ENTPD3: variants seen among roughly 807,000 people sequenced by gnomAD.
ENTPD3 encodes the protein ectonucleoside triphosphate diphosphohydrolase 3.
Under a neutral mutation model 51.2 loss-of-function variants are expected in ENTPD3, and 60 were observed. The observed-to-expected ratio is 1.17, with a 90% confidence interval of 0.95 to 1.45. ENTPD3 has a LOEUF of 1.45. Among genes scored for constraint, ENTPD3 ranks in the 40% most tolerant of loss-of-function variants. The pLI is 0.00. For missense variants in ENTPD3, 593 were observed against 641.1 expected (o/e 0.93, Z 0.81); for synonymous variants, 221 against 238.4 (o/e 0.93, Z 0.67).
intron 4 of ENTPD3, among the ~76,000 whole-genome samples, chr3:40,404,013 C>T (rs564324952): frequency 4.5e-4 from 68 of 152,288 alleles, no homozygotes; most frequent in African/African-American, 1.6e-3. Flanking sequence ...CTTGCTCTGA[C>T]CTCAACCAGC....
At chr3:40,395,995 C>A (rs901985598) in intron 3 of ENTPD3, among the ~76,000 whole-genome samples, 1 of 152,144 alleles carries the variant, frequency 6.6e-6, no homozygotes, top group Non-Finnish European at 1.5e-5. Context: ...AGAGAACAGA[C>A]AACAGTGGCC....
chr3:40,409,693 T>C (rs762696936), intron 4 of ENTPD3, among the ~76,000 whole-genome samples: 7 of 152,216 alleles, frequency 4.6e-5, no homozygotes, highest in Non-Finnish European at 1.0e-4. Context: ...CCATATTCTC[T>C]CCATCTTCCT....
intron 6 of ENTPD3, among the ~76,000 whole-genome samples, chr3:40,415,593 C>A (rs9822909): frequency 0.26 from 39,368 of 151,978 alleles, 5,946 homozygotes; most frequent in East Asian, 0.48. Context: ...CTCCAGTTTG[C>A]CACAGACCCA....
Position 40,402,123 on chromosome 3 carries a change from C to CTTTCTT in ENTPD3, c.286+1115_286+1116insCTTTTT, listed in dbSNP as rs1553643065. Among the ~76,000 whole-genome samples the CTTTCTT allele has an allele frequency of 7.7e-3, 731 of 95,080 alleles. 14 individuals are homozygous for CTTTCTT. Among genetic ancestry groups the CTTTCTT allele is most frequent in the African/African-American group, 0.027 (700 of 25,718 alleles). The allele number at this position is 95,080 out of a possible 152,430, so 62.4% of individuals were successfully genotyped here. ...TTCATTTCCTTTCCTTTTTTTTTTT[C>CTTTCTT]TTTTTTTTTTTTTGAGACAGAGTCT... On this transcript the variant is annotated intron_variant, in intron 4 of 10. Transcript: ENST00000301825.
chr3:40,406,990 A>G (rs150756829), intron 4 of ENTPD3, among the ~76,000 whole-genome samples: 132 of 152,268 alleles, frequency 8.7e-4, no homozygotes, highest in African/African-American at 3.0e-3. Flanking sequence ...GGTAGGACCA[A>G]CATGATTTTA....
chr3:40,426,137 C>G (rs1279041899), intron 10 of ENTPD3, among the ~76,000 whole-genome samples: 15 of 118,380 alleles, frequency 1.3e-4, no homozygotes, highest in African/African-American at 4.7e-4. Flanking sequence ...GAGACGGAGT[C>G]TCGCTCTGTC....
intron 10 of ENTPD3, chr3:40,424,748 G>C: frequency 2.8e-6 from 2 of 702,228 alleles, no homozygotes; most frequent in East Asian, 5.4e-5. Context: ...CCAGGTTCCA[G>C]AGAATTTTCT....
At chr3:40,417,792 C>T (rs1392164161) in intron 7 of ENTPD3, among the ~76,000 whole-genome samples, 1 of 152,162 alleles carries the variant, frequency 6.6e-6, no homozygotes, top group Non-Finnish European at 1.5e-5. Flanking sequence ...CCTCTTTTCT[C>T]CAGCTCCTTT....
At position 40,412,697 on chromosome 3, in the gene ENTPD3, C is replaced by T. The variant is rs571292448; in HGVS notation, c.437+735C>T. Among the ~76,000 whole-genome samples, 162 of 152,268 alleles carry T rather than the reference C, an allele frequency of 1.1e-3. 1 individual carries two copies. The highest frequency in any genetic ancestry group is 3.8e-3 in the African/African-American group (156 of 41,544). On this transcript the variant is annotated intron_variant, in intron 5 of 10. Coordinates refer to ENST00000301825, the MANE Select transcript of ENTPD3 (RefSeq NM_001248.4). ...TTCTGCTTCAGAGCCACTTTATCTACGATTCCAAGCACGCAAAATTATCTA... is the reference window on the plus strand; with the variant it reads ...TTCTGCTTCAGAGCCACTTTATCTATGATTCCAAGCACGCAAAATTATCTA...
intron 5 of ENTPD3, among the ~76,000 whole-genome samples, chr3:40,413,173 T>C (rs751084802): frequency 2.0e-4 from 30 of 152,208 alleles, no homozygotes; most frequent in Non-Finnish European, 2.9e-4. Flanking sequence ...CAGGATGTGC[T>C]CATGAAGTTT....
At chr3:40,409,957 C>T (rs1955591154) in intron 4 of ENTPD3, among the ~76,000 whole-genome samples, 1 of 151,976 alleles carries the variant, frequency 6.6e-6, no homozygotes, top group Non-Finnish European at 1.5e-5. Context: ...TATATATTTG[C>T]TTATTTTAAA....
intron 2 of ENTPD3, among the ~76,000 whole-genome samples, chr3:40,390,644 G>A (rs1172627627): frequency 6.6e-6 from 1 of 152,180 alleles, no homozygotes; most frequent in Non-Finnish European, 1.5e-5. Flanking sequence ...TTTTAGAATA[G>A]TAAGGGCAAT....
At chr3:40,400,809 A>G (rs1349036821) in intron 3 of ENTPD3, 85 bp from the exon 4 acceptor site, 1 of 951,692 alleles carries the variant, frequency 1.1e-6, no homozygotes, top group Non-Finnish European at 1.7e-6. Flanking sequence ...GGATTAAGGT[A>G]CTCAGGGTTC....
At chr3:40,391,843 C>T in intron 2 of ENTPD3, 180 bp from the exon 3 acceptor site, 2 of 690,334 alleles carry the variant, frequency 2.9e-6, no homozygotes, top group East Asian at 2.5e-5. Context: ...TTTGTGCTTC[C>T]CCAAAACTGG....
intron 3 of ENTPD3, among the ~76,000 whole-genome samples, chr3:40,396,676 C>T (rs890218841): frequency 5.3e-5 from 8 of 152,256 alleles, no homozygotes; most frequent in Admixed American, 5.2e-4. Flanking sequence ...AATTTTCACT[C>T]GGCCCCCAGT....
At chr3:40,422,826 A>C in intron 7 of ENTPD3, 24 bp from the exon 8 acceptor site, 1 of 1,594,630 alleles carries the variant, frequency 6.3e-7, no homozygotes, top group Non-Finnish European at 8.5e-7. Context: ...ATACGTGTCT[A>C]ACACCTTACT....
intron 3 of ENTPD3, among the ~76,000 whole-genome samples, chr3:40,394,089 G>C (rs1955134324): frequency 7.0e-6 from 1 of 143,052 alleles, no homozygotes; most frequent in Non-Finnish European, 1.5e-5. Context: ...CTGCAACTAA[G>C]AGTAATATAT....
chr3:40,419,299 G>C lies in ENTPD3; in HGVS notation c.831+3226G>C, dbSNP rs72863253. ...AATAGGTAATCTTCCAACAAAATTAGAACCATTCAGATTACCACCCATGTT... is the reference window on the plus strand; with the variant it reads ...AATAGGTAATCTTCCAACAAAATTACAACCATTCAGATTACCACCCATGTT... On this transcript the variant is annotated intron_variant, in intron 7 of 10. Coordinates refer to ENST00000301825, the MANE Select transcript of ENTPD3 (RefSeq NM_001248.4). Among the ~76,000 whole-genome samples, 1,293 of 152,190 alleles carry C rather than the reference G, an allele frequency of 8.5e-3. 18 individuals are homozygous for C. Among genetic ancestry groups the C allele is most frequent in the African/African-American group, 0.028 (1,150 of 41,530 alleles).
chr3:40,425,703 C>T (rs906830676), intron 10 of ENTPD3, among the ~76,000 whole-genome samples: 13 of 152,104 alleles, frequency 8.5e-5, no homozygotes, highest in African/African-American at 2.6e-4. Context: ...TCGAGACCAG[C>T]CTGGCCAACA....
Sources: gnomAD v4.1 joint callset for allele counts (sites outside exome capture counted in the v4.1 genomes callset) on GRCh38, gnomAD v4.1.1 for gene constraint, MANE v1.5 for transcripts, NCBI Gene and HGNC (gene_info 2026-07-23, HGNC 2026-07-21) for gene names.